Variants in CTNNA3 observed in about 807,000 individuals in gnomAD.
The protein encoded by CTNNA3 is catenin alpha-3.
In CTNNA3, 76 loss-of-function variants were observed where a neutral mutation model predicts 95.7. The observed-to-expected ratio is 0.79, with a 90% CI of 0.66 to 0.96. CTNNA3 has a LOEUF of 0.96. Among genes scored for constraint, CTNNA3 ranks in the 40% least tolerant of loss-of-function variants. The probability of loss-of-function intolerance (pLI) is 0.00; values close to 1 mark genes in which losing one functional copy is unlikely to be tolerated. For missense variants in CTNNA3, 1,191 were observed against 1,089.8 expected (o/e 1.09, Z -1.31); for synonymous variants, 431 against 374.4 (o/e 1.15, Z -1.74).
At chr10:67,308,399 T>A (rs1840646436) in intron 5 of CTNNA3, among the ~76,000 whole-genome samples, 1 of 152,162 alleles carries the variant, frequency 6.6e-6, no homozygotes, top group African/African-American at 2.4e-5. Context: ...CTGCACATGC[T>A]CTCTTGCCTG....
intron 7 of CTNNA3, among the ~76,000 whole-genome samples, chr10:66,965,264 TG>T (rs1054354612): frequency 2.0e-5 from 3 of 151,992 alleles, no homozygotes; most frequent in African/African-American, 7.3e-5. Context: ...TGGCTCGGCA[TG>T]GTGGCTCATG....
intron 7 of CTNNA3, among the ~76,000 whole-genome samples, chr10:67,068,903 T>C (rs1316866192): frequency 5.3e-5 from 8 of 151,952 alleles, no homozygotes; most frequent in Non-Finnish European, 1.2e-4. Context: ...CTACTAAAAA[T>C]ACAGAAATTA....
chr10:66,512,447 C>T (rs1840695852), intron 11 of CTNNA3, among the ~76,000 whole-genome samples: 1 of 151,814 alleles, frequency 6.6e-6, no homozygotes. Flanking sequence ...AGCCTTAGTT[C>T]CTTTCTTCTT....
intron 5 of CTNNA3, among the ~76,000 whole-genome samples, chr10:67,376,366 G>C (rs1238615218): frequency 6.6e-6 from 1 of 152,206 alleles, no homozygotes; most frequent in South Asian, 2.1e-4. Flanking sequence ...CAAAAGAGAA[G>C]AGGATTGGAA....
chr10:67,461,114 G>T (rs1400230497), intron 5 of CTNNA3, among the ~76,000 whole-genome samples: 3 of 152,258 alleles, frequency 2.0e-5, no homozygotes, highest in African/African-American at 2.4e-5. Flanking sequence ...GTTCTTCCTA[G>T]AACAGCAATT....
At chr10:66,238,363 A>T (rs2089958408) in intron 13 of CTNNA3, among the ~76,000 whole-genome samples, 1 of 152,132 alleles carries the variant, frequency 6.6e-6, no homozygotes. Context: ...CATCTTACAG[A>T]TAAGTTTTAG....
At chr10:66,031,088 A>G (rs1283394737) in intron 15 of CTNNA3, among the ~76,000 whole-genome samples, 2 of 152,180 alleles carry the variant, frequency 1.3e-5, no homozygotes, top group Non-Finnish European at 2.9e-5. Flanking sequence ...AGAAAAGGGA[A>G]CACTTGAATA....
At chr10:67,066,535 CA>C (rs57093251) in intron 7 of CTNNA3, among the ~76,000 whole-genome samples, 29,498 of 80,006 alleles carry the variant, frequency 0.37, 3,118 homozygotes, top group South Asian at 0.47. Flanking sequence ...CAGTTCTTGA[CA>C]AAAAAAAAAA....
intron 7 of CTNNA3, among the ~76,000 whole-genome samples, chr10:66,818,315 T>TCTA (rs10692412): frequency 0.57 from 86,992 of 151,546 alleles, 25,096 homozygotes; most frequent in Admixed American, 0.62. Flanking sequence ...ATAAAAGTAG[T>TCTA]CTTTGGAAAA....
intron 13 of CTNNA3, among the ~76,000 whole-genome samples, chr10:66,257,630 T>C (rs1029526802): frequency 5.9e-5 from 9 of 152,222 alleles, no homozygotes; most frequent in African/African-American, 2.2e-4. Context: ...TTGTATTCAT[T>C]CAGCTTCAGA....
At chr10:67,382,976 A>G (rs1464935242) in intron 5 of CTNNA3, among the ~76,000 whole-genome samples, 2 of 152,078 alleles carry the variant, frequency 1.3e-5, no homozygotes, top group African/African-American at 2.4e-5. Context: ...CACTAGGCCC[A>G]CCTCCAACAT....
At chr10:66,849,842 C>A (rs527481025) in intron 7 of CTNNA3, among the ~76,000 whole-genome samples, 1 of 152,134 alleles carries the variant, frequency 6.6e-6, no homozygotes, top group South Asian at 2.1e-4. Context: ...TTACTACAGC[C>A]CTAGGAAACT....
Position 65,912,911 on chromosome 10 carries a change from C to T in CTNNA3, c.*7419G>A, listed in dbSNP as rs2076961658. The T allele has an allele frequency of 6.6e-6, 1 of 152,070 alleles. No individual in the cohort carries two copies. The highest frequency in any genetic ancestry group is 2.4e-5 in the African/African-American group (1 of 41,400). The allele number at this position is 152,070 out of a possible 1,614,324, so 9.4% of individuals were successfully genotyped here. ...CCAAATTTTATCTATAGCCAAAGCACAAAACTGCTTTGAACTGGTCATTAA... is the reference window on the plus strand; with the variant it reads ...CCAAATTTTATCTATAGCCAAAGCATAAAACTGCTTTGAACTGGTCATTAA... On this transcript the variant is annotated 3_prime_UTR_variant, in exon 18 of 18. Coordinates refer to ENST00000433211, the MANE Select transcript of CTNNA3 (RefSeq NM_013266.4).
chr10:66,685,323 GTGTATATATATATA>G (rs1847242423), intron 9 of CTNNA3, among the ~76,000 whole-genome samples: 1 of 34,866 alleles, frequency 2.9e-5, no homozygotes, highest in African/African-American at 1.3e-4. Context: ...GTGTGTATGT[GTGTATATATATATA>G]TATATATATA....
intron 7 of CTNNA3, among the ~76,000 whole-genome samples, chr10:67,058,861 A>T (rs1469593630): frequency 6.6e-6 from 1 of 152,186 alleles, no homozygotes; most frequent in Non-Finnish European, 1.5e-5. Context: ...AATTTCTAAG[A>T]TCATAAAATG....
intron 9 of CTNNA3, among the ~76,000 whole-genome samples, chr10:66,725,079 T>A (rs765923806): frequency 6.6e-6 from 1 of 152,138 alleles, no homozygotes; most frequent in East Asian, 1.9e-4. Flanking sequence ...TATAACTCAA[T>A]GTATGTGTTA....
chr10:65,966,998 C>T (rs1449132825), intron 16 of CTNNA3, among the ~76,000 whole-genome samples: 1 of 152,074 alleles, frequency 6.6e-6, no homozygotes, highest in Non-Finnish European at 1.5e-5. Context: ...GCTCTGTTGC[C>T]CAGGCTGGAG....
At position 67,048,809 on chromosome 10, in the gene CTNNA3, C is replaced by A. The variant is rs1854907976; in HGVS notation, c.1047+131508G>T. Among the ~76,000 whole-genome samples, 3 of 152,014 alleles carry A rather than the reference C, an allele frequency of 2.0e-5. No individual in the cohort carries two copies. The South Asian group carries it at 6.2e-4, about 32-fold the overall frequency. On this transcript the variant is annotated intron_variant, in intron 7 of 17. Coordinates refer to ENST00000433211, the MANE Select transcript of CTNNA3 (RefSeq NM_013266.4). ...AATTTCCAAGTATTATATCTCATAACATAATAGTAACATGATGTCTCACCG... is the reference window on the plus strand; with the variant it reads ...AATTTCCAAGTATTATATCTCATAAAATAATAGTAACATGATGTCTCACCG...
intron 13 of CTNNA3, among the ~76,000 whole-genome samples, chr10:66,188,418 T>G (rs1216788976): frequency 6.6e-6 from 1 of 152,082 alleles, no homozygotes; most frequent in Non-Finnish European, 1.5e-5. Context: ...ACTCTGTTTC[T>G]TTGTAGTCTT....
Sources: gnomAD v4.1 joint callset for allele counts (sites outside exome capture counted in the v4.1 genomes callset) on GRCh38, gnomAD v4.1.1 for gene constraint, MANE v1.5 for transcripts, NCBI Gene and HGNC (gene_info 2026-07-23, HGNC 2026-07-21) for gene names.